FBN2: variants seen among roughly 807,000 people sequenced by gnomAD.
FBN2 encodes the protein fibrillin-2.
In FBN2, 105 loss-of-function variants were observed where a neutral mutation model predicts 355.6. The ratio of observed to expected loss-of-function variants is 0.30; its 90% CI spans 0.25 to 0.35. FBN2 has a LOEUF of 0.35. Among genes scored for constraint, FBN2 ranks in the 10% least tolerant of loss-of-function variants. The pLI is 1.00. For missense variants in FBN2, 3,280 were observed against 3,758.7 expected, an observed-to-expected ratio of 0.87 and a Z score of 3.33; for synonymous variants, 1,350 against 1,301.2, an observed-to-expected ratio of 1.04 and a Z score of -0.81.
chr5:128,303,274 T>C (rs1271577490), intron 45 of FBN2, among the ~76,000 whole-genome samples, 185 bp from the exon 46 acceptor site: 1 of 152,152 alleles, frequency 6.6e-6, no homozygotes, highest in Non-Finnish European at 1.5e-5. Context: ...ATCAAAATTG[T>C]AAAATTCTAA....
intron 59 of FBN2, among the ~76,000 whole-genome samples, chr5:128,274,939 C>A (rs1271983102): frequency 6.6e-6 from 1 of 152,176 alleles, no homozygotes; most frequent in Non-Finnish European, 1.5e-5. Context: ...AGAATCATAG[C>A]AGTTTCCATG....
intron 6 of FBN2, among the ~76,000 whole-genome samples, chr5:128,459,961 C>A (rs1353385353): frequency 6.6e-6 from 1 of 152,122 alleles, no homozygotes; most frequent in Non-Finnish European, 1.5e-5. Context: ...AAGTTCTGAC[C>A]AGGGCAATCA....
At position 128,451,861 on chromosome 5, in the gene FBN2, T is replaced by G. The variant is rs187646957; in HGVS notation, c.827-5255A>C. ...AAAACCTTAACATTATTCATAAAATTGTATGCTGCATACGGATTATAGTAG... is the reference window on the plus strand; with the variant it reads ...AAAACCTTAACATTATTCATAAAATGGTATGCTGCATACGGATTATAGTAG... On this transcript the variant is annotated intron_variant, in intron 6 of 64. Transcript: ENST00000262464. Among the ~76,000 whole-genome samples the G allele has an allele frequency of 2.7e-4, 41 of 152,294 alleles. 1 individual carries two copies. The East Asian group carries it at 7.7e-3, about 29-fold the overall frequency.
chr5:128,312,249 G>A (rs368618640), intron 37 of FBN2, among the ~76,000 whole-genome samples: 2 of 152,230 alleles, frequency 1.3e-5, no homozygotes, highest in South Asian at 2.1e-4. Flanking sequence ...TTTGGTTCAT[G>A]TTCATATCAG....
At chr5:128,352,065 T>A (rs1295945158) in intron 20 of FBN2, among the ~76,000 whole-genome samples, 2 of 152,144 alleles carry the variant, frequency 1.3e-5, no homozygotes, top group Non-Finnish European at 2.9e-5. Flanking sequence ...AAGGCCAATA[T>A]TTCTCCAGCT....
intron 39 of FBN2, 140 bp downstream of exon 39, chr5:128,311,160 T>C (rs1401451925): frequency 6.3e-6 from 5 of 791,256 alleles, no homozygotes; most frequent in African/African-American, 1.7e-5. Flanking sequence ...CTTAGCTACA[T>C]TGATATGAAA....
intron 48 of FBN2, among the ~76,000 whole-genome samples, chr5:128,293,467 G>C (rs969002717): frequency 2.7e-4 from 41 of 152,034 alleles, no homozygotes; most frequent in African/African-American, 9.7e-4. Flanking sequence ...ACTCCAGCCT[G>C]AGTGACAGAG....
At chr5:128,286,280 T>C (rs935060704) in intron 55 of FBN2, among the ~76,000 whole-genome samples, 2 of 152,234 alleles carry the variant, frequency 1.3e-5, no homozygotes, top group African/African-American at 4.8e-5. Context: ...TAATTCAGAA[T>C]AGTTCAGAAA....
At chr5:128,335,853 C>T in intron 28 of FBN2, 135 bp downstream of exon 28, 1 of 946,858 alleles carries the variant, frequency 1.1e-6, no homozygotes, top group Non-Finnish European at 1.6e-6. Flanking sequence ...CACACAATAA[C>T]TGAGATCTGC....
intron 25 of FBN2, 149 bp downstream of exon 25, chr5:128,344,236 G>C: frequency 1.2e-6 from 1 of 803,434 alleles, no homozygotes; most frequent in South Asian, 1.7e-5. Context: ...GGGCGACTAA[G>C]TGAGACCTTT....
At chr5:128,304,871 T>G in intron 45 of FBN2, 86 bp downstream of exon 45, 2 of 1,504,386 alleles carry the variant, frequency 1.3e-6, no homozygotes, top group Non-Finnish European at 1.9e-6. Context: ...AGAGACATAG[T>G]AGTTACTCAT....
chr5:128,419,163 T>A (rs986251025), intron 7 of FBN2, among the ~76,000 whole-genome samples: 7 of 152,242 alleles, frequency 4.6e-5, no homozygotes, highest in African/African-American at 1.7e-4. Flanking sequence ...CATTCATTGG[T>A]TCTAATAGTT....
At chr5:128,444,229 C>T (rs1423016375) in intron 7 of FBN2, among the ~76,000 whole-genome samples, 8 of 151,480 alleles carry the variant, frequency 5.3e-5, no homozygotes, top group East Asian at 1.9e-4. Flanking sequence ...CCCGCCACCG[C>T]GCCCGGCTAA....
At chr5:128,444,905 T>A (rs1169401703) in intron 7 of FBN2, among the ~76,000 whole-genome samples, 1 of 152,156 alleles carries the variant, frequency 6.6e-6, no homozygotes, top group East Asian at 1.9e-4. Context: ...TACATCTAGT[T>A]TAGATATTAG....
At chr5:128,530,352 C>T (rs1756670196) in intron 3 of FBN2, among the ~76,000 whole-genome samples, 1 of 152,156 alleles carries the variant, frequency 6.6e-6, no homozygotes, top group Non-Finnish European at 1.5e-5. Context: ...GTGTTTGAGA[C>T]TATACACTTA....
At chr5:128,379,020 A>C in intron 11 of FBN2, 130 bp from the exon 12 acceptor site, 1 of 1,013,286 alleles carries the variant, frequency 9.9e-7, no homozygotes, top group South Asian at 1.3e-5. Context: ...CGAAGTATTT[A>C]TAAATGAATG....
rs75821917 is a variant in FBN2, at chr5:128,512,099, C to A, written c.628+7174G>T. Among the ~76,000 whole-genome samples, 599 of 152,266 alleles carry A rather than the reference C, an allele frequency of 3.9e-3. 4 individuals are homozygous for A. The highest frequency in any genetic ancestry group is 0.013 in the African/African-American group (552 of 41,556). ...TGATATACAATATTTTCCAGTCAAT[C>A]TGTACCGTTACCAAAAATCCCACAA... On this transcript the variant is annotated intron_variant, in intron 5 of 64. Transcript: ENST00000262464.
chr5:128,321,596 T>C lies in FBN2; in HGVS notation c.4472-2595A>G, dbSNP rs182108344. Among the ~76,000 whole-genome samples, 862 of 152,324 alleles carry C rather than the reference T, an allele frequency of 5.7e-3. 13 individuals carry two copies. Among genetic ancestry groups the C allele is most frequent in the Middle Eastern group, 0.01 (3 of 292 alleles). On this transcript the variant is annotated intron_variant, in intron 34 of 64. Coordinates refer to ENST00000262464, the MANE Select transcript of FBN2 (RefSeq NM_001999.4). The stretch of plus-strand genomic sequence containing the variant: ...CTGAGAATGATGGTTTCCAGCTTCA[T>C]CCACGTCCCTGCAAAGGACATGAAC...
chr5:128,361,480 C>T lies in FBN2; in HGVS notation c.2554+243G>A, dbSNP rs1183722592. Among the ~76,000 whole-genome samples the T allele has an allele frequency of 3.3e-5, 5 of 151,986 alleles. 1 individual carries two copies. Among genetic ancestry groups the T allele is most frequent in the Non-Finnish European group, 4.4e-5 (3 of 67,994 alleles). On this transcript the variant is annotated intron_variant, in intron 19 of 64. Transcript: ENST00000262464. ...CCTTCCAGTTGGTTTCTTTTTTATC[C>T]GCTTTAAAATGTTTGTTCCAAATGT... is the stretch of plus-strand genomic sequence containing the variant.
Sources: gnomAD v4.1 joint callset for allele counts (sites outside exome capture counted in the v4.1 genomes callset) on GRCh38, gnomAD v4.1.1 for gene constraint, MANE v1.5 for transcripts, NCBI Gene and HGNC (gene_info 2026-07-23, HGNC 2026-07-21) for gene names.